The following PLCB1 variants were observed in gnomAD, a reference collection of about 807,000 sequenced individuals.
PLCB1 encodes phospholipase C beta 1.
In PLCB1, 46 loss-of-function variants were observed where a neutral mutation model predicts 161.8. The ratio of observed to expected loss-of-function variants is 0.28; its 90% CI spans 0.22 to 0.36. PLCB1 has a LOEUF of 0.36. PLCB1 is among the 10% of genes least tolerant of loss of function. The probability of loss-of-function intolerance (pLI) is 1.00; values close to 1 mark genes in which losing one functional copy is unlikely to be tolerated. For synonymous variants in PLCB1, 517 were observed against 503.7 expected (o/e 1.03, Z -0.35); for missense variants, 1,016 against 1,472.5 (o/e 0.69, Z 5.07).
chr20:8,245,969 C>T (rs1294280583), intron 2 of PLCB1, among the ~76,000 whole-genome samples: 1 of 151,808 alleles, frequency 6.6e-6, no homozygotes, highest in African/African-American at 2.4e-5. Context: ...CTGGATTTTC[C>T]ATTTGAGTGT....
intron 2 of PLCB1, among the ~76,000 whole-genome samples, chr20:8,171,541 A>AT (rs1007329366): frequency 6.6e-6 from 1 of 152,102 alleles, no homozygotes; most frequent in Non-Finnish European, 1.5e-5. Context: ...GAGCTGTGTG[A>AT]TTTTGAGTAA....
chr20:8,546,049 G>A (rs549969775), intron 3 of PLCB1, among the ~76,000 whole-genome samples: 4 of 152,122 alleles, frequency 2.6e-5, no homozygotes, highest in Admixed American at 2.0e-4. Context: ...GGGCGCGGTG[G>A]CTCATGCCTG....
At chr20:8,750,894 C>A in intron 23 of PLCB1, 1 of 1,298,206 alleles carries the variant, frequency 7.7e-7, no homozygotes, top group Non-Finnish European at 1.0e-6. Context: ...GGTGCCCATC[C>A]AAAGCAAGAT....
At chr20:8,855,596 A>T (rs565829392) in intron 31 of PLCB1, among the ~76,000 whole-genome samples, 1 of 152,336 alleles carries the variant, frequency 6.6e-6, no homozygotes, top group African/African-American at 2.4e-5. Context: ...CTGAAGAAAG[A>T]ATACTCTTCA....
At chr20:8,274,705 G>A (rs1468582825) in intron 2 of PLCB1, among the ~76,000 whole-genome samples, 2 of 152,040 alleles carry the variant, frequency 1.3e-5, no homozygotes, top group Non-Finnish European at 2.9e-5. Context: ...GTTCAGAAGT[G>A]TATGTGTTTT....
chr20:8,504,015 C>A (rs913237086), intron 3 of PLCB1, among the ~76,000 whole-genome samples: 8 of 152,090 alleles, frequency 5.3e-5, no homozygotes, highest in Non-Finnish European at 1.0e-4. Flanking sequence ...ACTCTGACAT[C>A]CTTAGGGTTG....
At chr20:8,144,748 C>G (rs8113925) in intron 1 of PLCB1, among the ~76,000 whole-genome samples, 77,061 of 152,020 alleles carry the variant, frequency 0.51, 19,970 homozygotes, top group African/African-American at 0.61. Flanking sequence ...GTTTTCCCCC[C>G]AGTGTCTCTA....
rs142158294 is a variant in PLCB1, at chr20:8,585,775, A to G, written c.247-42519A>G. 7.6e-3 allele frequency among the ~76,000 whole-genome samples: 1,162 copies of G among 152,294 alleles called. 17 individuals carry two copies. Among genetic ancestry groups the G allele is most frequent in the African/African-American group, 0.025 (1,037 of 41,562 alleles). ...TGTGAGGTGGTCTCTGCTCCTTGCC[A>G]GCTCCAAGTGACCAAATAGTATCTT... On this transcript the variant is annotated intron_variant, in intron 3 of 31. Transcript: ENST00000338037.
chr20:8,590,323 T>C (rs1249604417), intron 3 of PLCB1, among the ~76,000 whole-genome samples: 1 of 152,206 alleles, frequency 6.6e-6, no homozygotes, highest in African/African-American at 2.4e-5. Flanking sequence ...ATTATATGAA[T>C]GTAAAATATA....
chr20:8,626,177 C>CAAAAAA, intron 3 of PLCB1, among the ~76,000 whole-genome samples: 1 of 117,472 alleles, frequency 8.5e-6, no homozygotes, highest in African/African-American at 3.1e-5. Flanking sequence ...GACTCCATCT[C>CAAAAAA]AAAAAAAAAA....
At chr20:8,574,975 G>C (rs1986631456) in intron 3 of PLCB1, among the ~76,000 whole-genome samples, 1 of 152,134 alleles carries the variant, frequency 6.6e-6, no homozygotes, top group Admixed American at 6.5e-5. Flanking sequence ...GGTATGGAAG[G>C]GACAATAGTC....
At chr20:8,554,475 T>C (rs895343978) in intron 3 of PLCB1, among the ~76,000 whole-genome samples, 1 of 152,102 alleles carries the variant, frequency 6.6e-6, no homozygotes, top group Non-Finnish European at 1.5e-5. Context: ...ATCTCAAAAT[T>C]ATAGTGTTTT....
chr20:8,511,870 C>T (rs866477556), intron 3 of PLCB1, among the ~76,000 whole-genome samples: 4 of 151,822 alleles, frequency 2.6e-5, no homozygotes, highest in African/African-American at 4.8e-5. Context: ...TTAAAAAATT[C>T]GATTCTTTGT....
chr20:8,417,061 A>ATT, intron 3 of PLCB1, among the ~76,000 whole-genome samples: 1 of 97,440 alleles, frequency 1.0e-5, no homozygotes. Flanking sequence ...ACACATATAT[A>ATT]TATATATATA....
chr20:8,134,895 A>G (rs965761294), intron 1 of PLCB1, among the ~76,000 whole-genome samples: 28 of 151,636 alleles, frequency 1.8e-4, no homozygotes, highest in African/African-American at 5.6e-4. Context: ...CCTAGACTGC[A>G]CTCAGGAGTC....
At chr20:8,288,936 A>G (rs1033684) in intron 2 of PLCB1, among the ~76,000 whole-genome samples, 50,067 of 151,992 alleles carry the variant, frequency 0.33, 8,611 homozygotes, top group African/African-American at 0.42. Flanking sequence ...TCCAGAGCAC[A>G]TCAGTGTTGT....
chr20:8,373,632 C>T (rs1986976494), intron 3 of PLCB1, among the ~76,000 whole-genome samples: 1 of 152,104 alleles, frequency 6.6e-6, no homozygotes, highest in Non-Finnish European at 1.5e-5. Context: ...GCACCACTGC[C>T]TTAACTTACT....
At chr20:8,176,080 C>G (rs541737078) in intron 2 of PLCB1, among the ~76,000 whole-genome samples, 20 of 152,242 alleles carry the variant, frequency 1.3e-4, no homozygotes, top group African/African-American at 4.8e-4. Context: ...AACAGTCTGG[C>G]AGTTTCTTAT....
intron 2 of PLCB1, among the ~76,000 whole-genome samples, chr20:8,366,357 A>G (rs1421527066): frequency 6.6e-6 from 1 of 152,160 alleles, no homozygotes; most frequent in Non-Finnish European, 1.5e-5. Context: ...CTAACAATGC[A>G]CAGAAATTGG....
Sources: allele counts gnomAD v4.1 joint callset (sites outside exome capture counted in the v4.1 genomes callset), GRCh38; gene constraint gnomAD v4.1.1; transcripts MANE v1.5; gene names NCBI Gene and HGNC (gene_info 2026-07-23, HGNC 2026-07-21).